The following PITPNM2 variants were observed in gnomAD, a reference collection of about 807,000 sequenced individuals.
PITPNM2 encodes membrane-associated phosphatidylinositol transfer protein 2.
PITPNM2 carries 35 observed loss-of-function variants against 132.2 expected under a neutral mutation model. That is an observed-to-expected ratio of 0.26 (90% CI 0.20 to 0.35). The LOEUF is 0.35. PITPNM2 is among the 10% of genes least tolerant of loss of function. The pLI is 1.00. For missense variants in PITPNM2, 1,332 were observed against 1,912.0 expected, an observed-to-expected ratio of 0.70 and a Z score of 5.66; for synonymous variants, 738 against 799.2, an observed-to-expected ratio of 0.92 and a Z score of 1.29.
Position 122,985,954 on chromosome 12 carries a change from A to T in PITPNM2, c.*73T>A. On this transcript the variant is annotated 3_prime_UTR_variant, in exon 26 of 26. Transcript: ENST00000320201. ...CAGGCCCACGTCAGTGCGTGTGCCCAGGCCAGGCCTCCTGGCGGGGCTGGC... is the reference window on the plus strand; with the variant it reads ...CAGGCCCACGTCAGTGCGTGTGCCCTGGCCAGGCCTCCTGGCGGGGCTGGC... 1 of 1,297,048 alleles carries T rather than the reference A, an allele frequency of 7.7e-7. No individual in the cohort carries two copies. The highest frequency in any genetic ancestry group is 3.2e-5 in the East Asian group (1 of 31,636). The allele number at this position is 1,297,048 out of a possible 1,614,324, so 80.3% of individuals were successfully genotyped here.
chr12:123,123,097 T>A (rs576376982), intron 1 of PITPNM2, among the ~76,000 whole-genome samples: 1 of 152,366 alleles, frequency 6.6e-6, no homozygotes, highest in South Asian at 2.1e-4. Flanking sequence ...GCTACAGCAC[T>A]GTTTGCTTCC....
At chr12:123,006,281 T>G (rs968525415) in intron 6 of PITPNM2, among the ~76,000 whole-genome samples, 1 of 152,120 alleles carries the variant, frequency 6.6e-6, no homozygotes, top group Admixed American at 6.5e-5. Context: ...GTTCTCCTTT[T>G]CTTTTGTTTT....
chr12:123,005,162 G>A lies in PITPNM2; in HGVS notation c.952+78C>T, dbSNP rs2038871317. 6.7e-7 allele frequency: 1 copy of A among 1,482,156 alleles called. No individual in the cohort carries two copies. The highest frequency in any genetic ancestry group is 9.2e-7 in the Non-Finnish European group (1 of 1,089,030). The allele number at this position is 1,482,156 out of a possible 1,614,324, so 91.8% of individuals were successfully genotyped here. A position where few individuals can be genotyped will look rare whatever the true frequency, so the allele number is the denominator to read the frequency against. On this transcript the variant is annotated intron_variant, in intron 7 of 25. Transcript: ENST00000320201. This position sits in a 1 kb window ranked among gnomAD's most constrained non-coding sequence, Gnocchi z 6.2. ...CCATGGGAAAGAACTCTGAGGAGGT[G>A]CAGTGATCCAGCAGTGTGTGGGGCT...
At chr12:123,070,165 C>T (rs556472545) in intron 2 of PITPNM2, among the ~76,000 whole-genome samples, 30 of 152,306 alleles carry the variant, frequency 2.0e-4, no homozygotes, top group Admixed American at 3.9e-4. Context: ...GCCCCTAGCC[C>T]AGCTCTCTTC....
chr12:123,057,168 G>A, intron 2 of PITPNM2, among the ~76,000 whole-genome samples: 1 of 152,020 alleles, frequency 6.6e-6, no homozygotes, highest in East Asian at 1.9e-4. Flanking sequence ...ATCACCTGAG[G>A]TTGGGAGTTC....
intron 3 of PITPNM2, among the ~76,000 whole-genome samples, chr12:123,020,430 G>A (rs969310168): frequency 6.6e-6 from 1 of 152,070 alleles, no homozygotes; most frequent in Non-Finnish European, 1.5e-5. Context: ...CATAAAAGGA[G>A]CACAGTTTTG....
chr12:123,107,326 G>A (rs1218863518), intron 2 of PITPNM2, among the ~76,000 whole-genome samples: 1 of 152,162 alleles, frequency 6.6e-6, no homozygotes, highest in African/African-American at 2.4e-5. Flanking sequence ...CACCAATGCC[G>A]AATGGCAAAC....
At chr12:123,060,235 T>C (rs543460333) in intron 2 of PITPNM2, among the ~76,000 whole-genome samples, 1 of 152,282 alleles carries the variant, frequency 6.6e-6, no homozygotes, top group East Asian at 1.9e-4. Context: ...TTAAAACCCT[T>C]CAAGAATTCA....
intron 2 of PITPNM2, among the ~76,000 whole-genome samples, chr12:123,044,758 C>T (rs1016369065): frequency 2.6e-5 from 4 of 152,170 alleles, no homozygotes; most frequent in Non-Finnish European, 5.9e-5. Flanking sequence ...TATACCTTCT[C>T]TCCATCTTGA....
intron 3 of PITPNM2, among the ~76,000 whole-genome samples, chr12:123,020,192 C>T (rs2039611645): frequency 6.6e-6 from 1 of 152,166 alleles, no homozygotes; most frequent in Non-Finnish European, 1.5e-5. Flanking sequence ...ATGATCTCGG[C>T]TCACTGCAAC....
chr12:123,039,510 T>C (rs2040386077), intron 2 of PITPNM2, among the ~76,000 whole-genome samples: 1 of 152,144 alleles, frequency 6.6e-6, no homozygotes. Flanking sequence ...TTCCTCAACT[T>C]CCATAGCATA....
chr12:123,128,104 T>C (rs2043185224), intron 1 of PITPNM2, among the ~76,000 whole-genome samples: 1 of 151,732 alleles, frequency 6.6e-6, no homozygotes, highest in Non-Finnish European at 1.5e-5. Flanking sequence ...TCCTCAAACA[T>C]ACTTTGGAAA....
intron 2 of PITPNM2, among the ~76,000 whole-genome samples, chr12:123,037,484 G>C (rs1427511787): frequency 1.3e-5 from 2 of 152,176 alleles, no homozygotes; most frequent in South Asian, 4.1e-4. Context: ...GCCTCTGTGG[G>C]GCCTCAGGTG....
chr12:122,995,953 C>T (rs575694436), intron 13 of PITPNM2, among the ~76,000 whole-genome samples: 2 of 152,344 alleles, frequency 1.3e-5, no homozygotes, highest in East Asian at 3.9e-4. Context: ...GCAGTGCAGA[C>T]CCTGGTTCAG....
At chr12:123,079,302 C>T (rs1407617689) in intron 2 of PITPNM2, among the ~76,000 whole-genome samples, 4 of 151,022 alleles carry the variant, frequency 2.6e-5, no homozygotes, top group African/African-American at 4.9e-5. Context: ...CCAATCCCAT[C>T]GCTTTCTCCC....
In PITPNM2 at chr12:123,083,087, G is replaced by A. The variant is rs550369970; in HGVS notation, c.-96+27298C>T. 3 of 152,348 alleles carry A rather than the reference G, an allele frequency of 2.0e-5. No homozygotes were observed. The highest frequency in any genetic ancestry group is 7.2e-5 in the African/African-American group (3 of 41,566). 9.4% of individuals were successfully genotyped at this position (152,348 alleles called of 1,614,324 possible). A position where few individuals can be genotyped will look rare whatever the true frequency, so the allele number is the denominator to read the frequency against. On this transcript the variant is annotated intron_variant, in intron 2 of 25. Coordinates refer to ENST00000320201, the MANE Select transcript of PITPNM2 (RefSeq NM_020845.3). The surrounding 1 kb of genome is among the most constrained non-coding windows in gnomAD (Gnocchi z 4.5). ...TTGCCTGCCCAGGCACAGTACAGTA[G>A]CATACGCTTGTAGTCCCAGCTACAG...
chr12:123,005,371 T>C lies in PITPNM2; in HGVS notation c.821A>G (p.Glu274Gly), dbSNP rs760143452. 6 of 1,614,054 alleles carry C rather than the reference T, an allele frequency of 3.7e-6. No homozygotes were observed. In the East Asian group the frequency reaches 1.1e-4, roughly 30 times the overall value. Residue 274 changes from glutamate to glycine, a missense_variant, in exon 7 of 26, where the codon GAA becomes GGA. Glu to Gly is a moderately conservative substitution (Grantham distance 98). Transcript: ENST00000320201. This position sits in a 1 kb window ranked among gnomAD's most constrained non-coding sequence, Gnocchi z 6.2. ...GEEATELVKH[E>G]AVSDQTSGEP... ...CCCAGAGGTCTGGTCCGAGACGGCT[T>C]CGTGCTTGACGAGCTCAGTGGCCTC...
At chr12:123,124,191 G>T (rs958037789) in intron 1 of PITPNM2, among the ~76,000 whole-genome samples, 3 of 152,142 alleles carry the variant, frequency 2.0e-5, no homozygotes, top group Non-Finnish European at 4.4e-5. Context: ...AGGAGGCGGA[G>T]GTTGCAGTGA....
chr12:122,989,798 T>C lies in PITPNM2; in HGVS notation c.2720A>G (p.Asp907Gly). ...LERAPGLPEL[D>G]IGEVAAKWWG... Reference sequence around the variant, plus strand: ...GTGTGGGGTGGTACCTTCTCCAATGTCCAGCTCAGGGAGGCCAGGGGCCCT... The same window carrying C: ...GTGTGGGGTGGTACCTTCTCCAATGCCCAGCTCAGGGAGGCCAGGGGCCCT... The change falls in exon 18 of 26, where the codon GAC becomes GGC. Residue 907 changes from aspartate (D) to glycine (G), a missense_variant. Around this residue, in one of 6 missense-constraint regions of PITPNM2, gnomAD observed 710 missense variants for 911.5 expected, o/e 0.78. Transcript: ENST00000320201. 1 of 1,392,738 alleles carries C rather than the reference T, an allele frequency of 7.2e-7. No homozygotes were observed. Among genetic ancestry groups the C allele is most frequent in the Non-Finnish European group, 9.4e-7 (1 of 1,069,238 alleles). 86.3% of individuals were successfully genotyped at this position (1,392,738 alleles called of 1,614,324 possible).
Sources: gnomAD v4.1 joint callset for allele counts (sites outside exome capture counted in the v4.1 genomes callset) on GRCh38, gnomAD v4.1.1 for gene constraint, gnomAD v4.1.1 regional missense constraint, Gnocchi (gnomAD v3.1) non-coding constraint, MANE v1.5 for transcripts, NCBI Gene and HGNC (gene_info 2026-07-23, HGNC 2026-07-21) for gene names.